Variants in NR1H4 observed in about 807,000 individuals in gnomAD.
The protein encoded by NR1H4 is nuclear receptor subfamily 1 group H member 4.
NR1H4 carries 23 observed loss-of-function variants against 58.5 expected under a neutral mutation model. That is an observed-to-expected ratio of 0.39 (90% CI 0.28 to 0.56). NR1H4 has a LOEUF of 0.56. Among genes scored for constraint, NR1H4 ranks in the 20% least tolerant of loss-of-function variants. NR1H4 has a pLI of 0.58. For missense variants in NR1H4, 487 were observed against 576.9 expected (o/e 0.84, Z 1.60); for synonymous variants, 214 against 198.0 (o/e 1.08, Z -0.68).
chr12:100,527,740 T>C (rs1954595946), intron 4 of NR1H4, among the ~76,000 whole-genome samples: 1 of 152,180 alleles, frequency 6.6e-6, no homozygotes, highest in Admixed American at 6.5e-5. Context: ...AGTGAGAACA[T>C]ATGGTGTTTG....
At chr12:100,507,116 G>C (rs1003261430) in intron 3 of NR1H4, among the ~76,000 whole-genome samples, 1 of 152,096 alleles carries the variant, frequency 6.6e-6, no homozygotes, top group Non-Finnish European at 1.5e-5. Flanking sequence ...TTTTGATCTT[G>C]GGCAAATTAC....
chr12:100,493,884 C>T (rs534663151), intron 3 of NR1H4, among the ~76,000 whole-genome samples: 1 of 152,240 alleles, frequency 6.6e-6, no homozygotes, highest in South Asian at 2.1e-4. Flanking sequence ...GGATTGAGGA[C>T]AAATTGTACT....
intron 8 of NR1H4, among the ~76,000 whole-genome samples, chr12:100,540,452 CT>C (rs1382808067): frequency 1.3e-5 from 2 of 152,156 alleles, no homozygotes; most frequent in African/African-American, 4.8e-5. Flanking sequence ...TATGTATCTA[CT>C]TGGACTTGAC....
chr12:100,487,214 T>C (rs1230163644), intron 1 of NR1H4, among the ~76,000 whole-genome samples: 2 of 152,184 alleles, frequency 1.3e-5, no homozygotes, highest in African/African-American at 4.8e-5. Context: ...AAAAGCAGTC[T>C]TACTGCTGGT....
chr12:100,536,719 A>G, intron 7 of NR1H4, 109 bp downstream of exon 7: 1 of 732,264 alleles, frequency 1.4e-6, no homozygotes, highest in Non-Finnish European at 2.4e-6. Context: ...AAATGATTAG[A>G]GCTGAGAATT....
chr12:100,493,331 C>CA lies in NR1H4; in HGVS notation c.13dup (p.Met5AsnfsTer5). ...TTCAATTGAAAAATTTGGATGGGATCAAAAATGAATCTCATTGAACATTCC... is the reference window on the plus strand; with the variant it reads ...TTCAATTGAAAAATTTGGATGGGATCAAAAAATGAATCTCATTGAACATTCC... On this transcript the variant is annotated frameshift_variant, in exon 3 of 11. Coordinates refer to ENST00000392986, the MANE Select transcript of NR1H4 (RefSeq NM_001206979.2). LOFTEE classifies it high-confidence loss of function. The CA allele has an allele frequency of 6.4e-7, 1 of 1,557,978 alleles. No individual in the cohort carries two copies. The highest frequency in any genetic ancestry group is 8.8e-7 in the Non-Finnish European group (1 of 1,134,308).
intron 3 of NR1H4, among the ~76,000 whole-genome samples, chr12:100,502,526 A>C (rs1472044354): frequency 1.3e-5 from 2 of 152,006 alleles, no homozygotes; most frequent in Non-Finnish European, 2.9e-5. Flanking sequence ...TTATAAGGAT[A>C]CAAGTCATAT....
chr12:100,535,025 T>C lies in NR1H4; in HGVS notation c.732+2T>C. The C allele has an allele frequency of 6.2e-7, 1 of 1,614,114 alleles. No homozygotes were observed. The highest frequency in any genetic ancestry group is 8.5e-7 in the Non-Finnish European group (1 of 1,180,018). ...ACCTCGACAACAAAGTCATGCAGGG[T>C]AATAATATGCAATGGTGTCTGCCAA... On this transcript the variant is annotated splice_donor_variant, in intron 6 of 10. Coordinates refer to ENST00000392986, the MANE Select transcript of NR1H4 (RefSeq NM_001206979.2). LOFTEE classifies it high-confidence loss of function.
chr12:100,493,172 T>C, intron 2 of NR1H4, 98 bp from the exon 3 acceptor site: 1 of 645,128 alleles, frequency 1.6e-6, no homozygotes, highest in South Asian at 1.8e-5. Context: ...AGGGAGCCAT[T>C]TGTACTTTCG....
intron 3 of NR1H4, 85 bp downstream of exon 3, chr12:100,493,487 G>A: frequency 1.4e-6 from 1 of 730,720 alleles, no homozygotes; most frequent in Non-Finnish European, 2.4e-6. Flanking sequence ...GATGAGTCCA[G>A]CCCAGGGTCA....
intron 9 of NR1H4, among the ~76,000 whole-genome samples, chr12:100,559,089 G>A (rs560971578): frequency 6.6e-6 from 1 of 152,342 alleles, no homozygotes; most frequent in East Asian, 1.9e-4. Flanking sequence ...ACGTTAAAAG[G>A]AAGAAAATTA....
At chr12:100,505,974 C>G (rs1248060026) in intron 3 of NR1H4, 2 of 232,174 alleles carry the variant, frequency 8.6e-6, no homozygotes, top group East Asian at 2.3e-4. Flanking sequence ...GACCCTAACA[C>G]AGTGACTGCT....
intron 9 of NR1H4, among the ~76,000 whole-genome samples, chr12:100,557,400 G>A (rs1955354888): frequency 6.6e-6 from 1 of 152,154 alleles, no homozygotes; most frequent in South Asian, 2.1e-4. Flanking sequence ...CTACCCCAAT[G>A]ACCCAAACAC....
intron 9 of NR1H4, among the ~76,000 whole-genome samples, chr12:100,547,236 G>T (rs962116191): frequency 6.6e-6 from 1 of 152,130 alleles, no homozygotes; most frequent in African/African-American, 2.4e-5. Context: ...ATCAAGCTTA[G>T]AGAAAGATGA....
intron 1 of NR1H4, among the ~76,000 whole-genome samples, chr12:100,485,304 G>A (rs1472154305): frequency 6.6e-6 from 1 of 152,194 alleles, no homozygotes; most frequent in Non-Finnish European, 1.5e-5. Flanking sequence ...AGGAGCCATA[G>A]AGAGCAAGTA....
In NR1H4 at chr12:100,560,410, C is replaced by A. The variant is rs141277183; in HGVS notation, c.1079-1475C>A. Among the ~76,000 whole-genome samples, 35 of 152,284 alleles carry A rather than the reference C, an allele frequency of 2.3e-4. 1 individual carries two copies. The highest frequency in any genetic ancestry group is 8.4e-4 in the African/African-American group (35 of 41,558). On this transcript the variant is annotated intron_variant, in intron 9 of 10. Coordinates refer to ENST00000392986, the MANE Select transcript of NR1H4 (RefSeq NM_001206979.2). ...CTTTTATGAGTTGTAACACTCACTGCGAAGATCTGCAGCTTCACTCCTGAA... is the reference window on the plus strand; with the variant it reads ...CTTTTATGAGTTGTAACACTCACTGAGAAGATCTGCAGCTTCACTCCTGAA...
chr12:100,484,239 A>C (rs1953443469), intron 1 of NR1H4, among the ~76,000 whole-genome samples: 3 of 152,166 alleles, frequency 2.0e-5, no homozygotes, highest in Non-Finnish European at 4.4e-5. Flanking sequence ...TTTTATCTTC[A>C]TCCTCCAAGC....
intron 9 of NR1H4, among the ~76,000 whole-genome samples, chr12:100,544,253 CAAAAAAA>C (rs943465011): frequency 3.1e-4 from 20 of 64,410 alleles, no homozygotes; most frequent in African/African-American, 8.8e-4. Flanking sequence ...CTCGGTCTCA[CAAAAAAA>C]AAAAAAAAAA....
At chr12:100,486,644 A>G (rs1336337527) in intron 1 of NR1H4, among the ~76,000 whole-genome samples, 1 of 152,240 alleles carries the variant, frequency 6.6e-6, no homozygotes, top group Non-Finnish European at 1.5e-5. Context: ...ATTTTATCAC[A>G]GAAAACAAGC....
Sources: allele counts gnomAD v4.1 joint callset (sites outside exome capture counted in the v4.1 genomes callset), GRCh38; gene constraint gnomAD v4.1.1; transcripts MANE v1.5; gene names NCBI Gene and HGNC (gene_info 2026-07-23, HGNC 2026-07-21).